FARP1: variants seen among roughly 807,000 people sequenced by gnomAD.
FARP1 encodes FERM, ARH/RhoGEF and pleckstrin domain protein 1.
Under a neutral mutation model 128.8 loss-of-function variants are expected in FARP1, and 52 were observed. That is an observed-to-expected ratio of 0.40 (90% CI 0.32 to 0.51). The LOEUF (loss-of-function observed/expected upper bound fraction) is 0.51, where lower values mean the gene tolerates loss of function less well. FARP1 is among the 20% of genes least tolerant of loss of function. The pLI, the probability that FARP1 is intolerant of heterozygous loss-of-function variation, is 0.45. For synonymous variants in FARP1, 580 were observed against 551.8 expected (o/e 1.05, Z -0.72); for missense variants, 1,333 against 1,367.9 (o/e 0.97, Z 0.40).
At chr13:98,267,435 C>G (rs1020545644) in intron 2 of FARP1, among the ~76,000 whole-genome samples, 1 of 152,172 alleles carries the variant, frequency 6.6e-6, no homozygotes, top group Non-Finnish European at 1.5e-5. Context: ...CAAACCTGTT[C>G]TTGACTTTTC....
intron 2 of FARP1, among the ~76,000 whole-genome samples, chr13:98,228,809 C>T (rs191975048): frequency 1.6e-4 from 24 of 152,116 alleles, no homozygotes; most frequent in Admixed American, 7.9e-4. Context: ...CTAGGCTATC[C>T]GATGATTGAA....
chr13:98,430,663 C>T (rs1207576161), intron 17 of FARP1, among the ~76,000 whole-genome samples: 2 of 152,204 alleles, frequency 1.3e-5, no homozygotes, highest in African/African-American at 4.8e-5. Flanking sequence ...GGCCCCTGGG[C>T]TGTTTGTTAT....
intron 2 of FARP1, among the ~76,000 whole-genome samples, chr13:98,242,960 G>A (rs1424624198): frequency 1.3e-5 from 2 of 152,170 alleles, no homozygotes; most frequent in Non-Finnish European, 2.9e-5. Flanking sequence ...AGGGGAAAAG[G>A]TACTTTCACT....
chr13:98,367,512 A>T (rs1395284877), intron 4 of FARP1, among the ~76,000 whole-genome samples: 1 of 151,264 alleles, frequency 6.6e-6, no homozygotes, highest in Non-Finnish European at 1.5e-5. Flanking sequence ...TAAATTCTGA[A>T]AAGTTGTTCA....
intron 2 of FARP1, among the ~76,000 whole-genome samples, chr13:98,269,960 C>T (rs1594342277): frequency 1.3e-5 from 2 of 152,114 alleles, no homozygotes; most frequent in Admixed American, 6.6e-5. Flanking sequence ...ACAAAATTAG[C>T]CGGGCTTGGT....
At chr13:98,322,225 G>A (rs1887026245) in intron 2 of FARP1, among the ~76,000 whole-genome samples, 1 of 152,220 alleles carries the variant, frequency 6.6e-6, no homozygotes, top group Non-Finnish European at 1.5e-5. Flanking sequence ...TTGAACCTGG[G>A]AGGCAGAGGT....
At chr13:98,282,971 A>G (rs116625952) in intron 2 of FARP1, among the ~76,000 whole-genome samples, 4,626 of 152,248 alleles carry the variant, frequency 0.03, 228 homozygotes, top group African/African-American at 0.11. Flanking sequence ...TTTTTTTGAC[A>G]TTGCCATAAA....
Position 98,440,756 on chromosome 13 carries a change from C to T in FARP1, c.2716C>T (p.His906Tyr), listed in dbSNP as rs1482490319. ...CACATCGCTGGAGCGCCAGGCCCCGCACCGCGGCAACACAATGGTGCACGT... is the reference window on the plus strand; with the variant it reads ...CACATCGCTGGAGCGCCAGGCCCCGTACCGCGGCAACACAATGGTGCACGT... ...SRTSLERQAPHRGNTMVHVCW... is the reference protein window; with the variant it reads ...SRTSLERQAPYRGNTMVHVCW... Residue 906 changes from histidine to tyrosine, a missense_variant, in exon 24 of 27, where the codon CAC (histidine) becomes TAC (tyrosine). This residue lies in a region of FARP1 where 1,009 missense variants were observed against 969.8 expected (regional missense o/e 1.04). Coordinates refer to ENST00000319562, the MANE Select transcript of FARP1 (RefSeq NM_005766.4). 6.2e-7 allele frequency: 1 copy of T among 1,613,312 alleles called. No homozygotes were observed. The highest frequency in any genetic ancestry group is 2.2e-5 in the East Asian group (1 of 44,888).
chr13:98,219,479 G>T (rs1881287563), intron 2 of FARP1, among the ~76,000 whole-genome samples: 1 of 151,544 alleles, frequency 6.6e-6, no homozygotes, highest in African/African-American at 2.4e-5. Context: ...GGGACTACAG[G>T]TGCATGCCAC....
At chr13:98,315,322 T>C (rs1380441707) in intron 2 of FARP1, among the ~76,000 whole-genome samples, 1 of 152,026 alleles carries the variant, frequency 6.6e-6, no homozygotes, top group East Asian at 1.9e-4. Flanking sequence ...GCCCAAGCTG[T>C]CTCGAACTCC....
intron 1 of FARP1, among the ~76,000 whole-genome samples, chr13:98,188,313 G>C (rs901855179): frequency 6.6e-6 from 1 of 152,176 alleles, no homozygotes; most frequent in Non-Finnish European, 1.5e-5. Flanking sequence ...CAGCACTTTG[G>C]GAGGCCGAGG....
chr13:98,244,226 T>G (rs1882934179), intron 2 of FARP1, among the ~76,000 whole-genome samples: 2 of 152,164 alleles, frequency 1.3e-5, no homozygotes, highest in Non-Finnish European at 2.9e-5. Flanking sequence ...GCCATTTTGG[T>G]TTTCCCAGCA....
chr13:98,433,731 C>T (rs566906092), intron 18 of FARP1: 1 of 152,620 alleles, frequency 6.6e-6, no homozygotes, highest in African/African-American at 2.4e-5. Context: ...ACCATGCTGC[C>T]TCTTGCCTCC....
rs554631543 is a variant in FARP1 at position 98,224,730 on chromosome 13, C to T, written c.171+11317C>T. Among the ~76,000 whole-genome samples, 20 of 152,024 alleles carry T rather than the reference C, an allele frequency of 1.3e-4. No individual in the cohort carries two copies. In the South Asian group the frequency reaches 4.2e-3, roughly 32 times the overall value. The stretch of plus-strand genomic sequence containing the variant: ...GAGGTGAGCAGTTTGTGGAGCTGGG[C>T]CTGCAGGCAGGCAGTGAGAGAAGAG... On this transcript the variant is annotated intron_variant, in intron 2 of 26. Transcript: ENST00000319562.
chr13:98,331,666 G>A (rs1383235212), intron 2 of FARP1: 1 of 152,180 alleles, frequency 6.6e-6, no homozygotes, highest in Non-Finnish European at 1.5e-5. Context: ...AGCACTTTAT[G>A]TATATTTCCT....
intron 1 of FARP1, among the ~76,000 whole-genome samples, chr13:98,172,826 C>G (rs1877746211): frequency 6.6e-6 from 1 of 152,032 alleles, no homozygotes. Flanking sequence ...GTCTAGAGCC[C>G]AAGGAGAGTA....
chr13:98,205,198 G>A (rs1325769332), intron 1 of FARP1, among the ~76,000 whole-genome samples: 1 of 152,158 alleles, frequency 6.6e-6, no homozygotes, highest in Non-Finnish European at 1.5e-5. Flanking sequence ...TATCTTTGTG[G>A]TGATCATTTT....
intron 2 of FARP1, among the ~76,000 whole-genome samples, chr13:98,227,275 C>T (rs994738837): frequency 2.0e-5 from 3 of 152,014 alleles, no homozygotes; most frequent in Admixed American, 1.3e-4. Flanking sequence ...ATGTTCATTC[C>T]GGCAAATGTC....
chr13:98,380,425 T>TAA (rs548146531), intron 6 of FARP1, among the ~76,000 whole-genome samples: 9 of 134,182 alleles, frequency 6.7e-5, no homozygotes, highest in South Asian at 2.4e-4. Context: ...AGACTCTGTC[T>TAA]AAAAAAAAAA....
Sources: allele counts gnomAD v4.1 joint callset (sites outside exome capture counted in the v4.1 genomes callset), GRCh38; gene constraint gnomAD v4.1.1; regional missense constraint gnomAD v4.1.1; transcripts MANE v1.5; gene names NCBI Gene and HGNC (gene_info 2026-07-23, HGNC 2026-07-21).